PTPRD: variants seen among roughly 807,000 people sequenced by gnomAD.
PTPRD encodes the protein receptor-type tyrosine-protein phosphatase delta.
A neutral mutation model predicts 214.5 loss-of-function variants in PTPRD; 34 were observed. The ratio of observed to expected loss-of-function variants is 0.16; its 90% CI spans 0.12 to 0.21. The LOEUF (loss-of-function observed/expected upper bound fraction) is 0.21, where lower values mean the gene tolerates loss of function less well. Among genes scored for constraint, PTPRD ranks in the 10% least tolerant of loss-of-function variants. The pLI is 1.00. For synonymous variants in PTPRD, 1,128 were observed against 845.7 expected, an observed-to-expected ratio of 1.33 and a Z score of -5.79; for missense variants, 2,545 against 2,398.7, an observed-to-expected ratio of 1.06 and a Z score of -1.27.
chr9:9,029,329 C>A (rs1463028559), intron 10 of PTPRD, among the ~76,000 whole-genome samples: 1 of 151,598 alleles, frequency 6.6e-6, no homozygotes, highest in African/African-American at 2.4e-5. Context: ...GAAAAGGAAT[C>A]AGACTAAAAA....
intron 11 of PTPRD, among the ~76,000 whole-genome samples, chr9:8,890,744 T>G (rs977656565): frequency 6.6e-6 from 1 of 152,224 alleles, no homozygotes; most frequent in African/African-American, 2.4e-5. Context: ...AGATAATCTA[T>G]CTGCTATTTA....
intron 10 of PTPRD, among the ~76,000 whole-genome samples, chr9:9,061,299 T>C (rs1285657005): frequency 1.3e-5 from 2 of 152,238 alleles, no homozygotes; most frequent in Non-Finnish European, 2.9e-5. Context: ...GTGTATTTCT[T>C]GCATTCATAA....
At chr9:8,992,470 G>A (rs926249562) in intron 11 of PTPRD, among the ~76,000 whole-genome samples, 1 of 152,006 alleles carries the variant, frequency 6.6e-6, no homozygotes, top group Non-Finnish European at 1.5e-5. Context: ...GTTGCTCAGA[G>A]GCTCTCACTC....
chr9:10,585,138 G>A (rs72702856), intron 2 of PTPRD, among the ~76,000 whole-genome samples: 19 of 151,880 alleles, frequency 1.3e-4, no homozygotes, highest in South Asian at 2.1e-4. Flanking sequence ...ATAGTTTCCC[G>A]TCAGTGGGGA....
intron 11 of PTPRD, among the ~76,000 whole-genome samples, chr9:8,996,424 A>G (rs1210617644): frequency 1.3e-5 from 2 of 152,064 alleles, no homozygotes; most frequent in Non-Finnish European, 2.9e-5. Context: ...AAAAAGAAAA[A>G]CGTAGGGGCA....
intron 11 of PTPRD, among the ~76,000 whole-genome samples, chr9:8,919,010 T>C (rs573838785): frequency 6.6e-6 from 1 of 152,326 alleles, no homozygotes; most frequent in Non-Finnish European, 1.5e-5. Flanking sequence ...TTTCTGAGGA[T>C]TTCTAAACCC....
At chr9:9,257,482 G>C (rs553642221) in intron 9 of PTPRD, among the ~76,000 whole-genome samples, 5 of 151,888 alleles carry the variant, frequency 3.3e-5, no homozygotes, top group African/African-American at 9.6e-5. Flanking sequence ...ACAAAAGTCC[G>C]AATTTTTATA....
intron 2 of PTPRD, among the ~76,000 whole-genome samples, chr9:10,418,727 T>C (rs958874272): frequency 6.6e-6 from 1 of 151,620 alleles, no homozygotes; most frequent in African/African-American, 2.4e-5. Flanking sequence ...TCATTAATAA[T>C]AATTGCAGAA....
intron 11 of PTPRD, among the ~76,000 whole-genome samples, chr9:8,826,976 T>A (rs1217241522): frequency 6.6e-6 from 1 of 152,000 alleles, no homozygotes; most frequent in Admixed American, 6.6e-5. Context: ...CTCCCCTTGT[T>A]TAAACTGGCA....
intron 11 of PTPRD, among the ~76,000 whole-genome samples, chr9:8,839,747 C>G (rs2097522494): frequency 6.6e-6 from 1 of 152,118 alleles, no homozygotes; most frequent in African/African-American, 2.4e-5. Context: ...AACTGTTCCT[C>G]AAAGCTTTGT....
At chr9:8,848,988 A>G (rs146137334) in intron 11 of PTPRD, among the ~76,000 whole-genome samples, 1 of 125,716 alleles carries the variant, frequency 8.0e-6, no homozygotes, top group East Asian at 2.2e-4. Context: ...AATAATCACT[A>G]TTACAACTAT....
At chr9:9,585,444 G>T (rs572240666) in intron 7 of PTPRD, among the ~76,000 whole-genome samples, 13 of 151,872 alleles carry the variant, frequency 8.6e-5, no homozygotes, top group Admixed American at 2.0e-4. Flanking sequence ...TGTATTTCTG[G>T]CCTAGGTGCT....
At chr9:9,615,789 T>C (rs907449287) in intron 7 of PTPRD, among the ~76,000 whole-genome samples, 1 of 152,154 alleles carries the variant, frequency 6.6e-6, no homozygotes, top group African/African-American at 2.4e-5. Context: ...AAGTGAGTAT[T>C]ATAATCCACA....
At chr9:8,427,479 G>T (rs962073038) in intron 35 of PTPRD, among the ~76,000 whole-genome samples, 1 of 152,020 alleles carries the variant, frequency 6.6e-6, no homozygotes, top group Non-Finnish European at 1.5e-5. Context: ...GCTGTGTGCC[G>T]AGCGGTGAGC....
chr9:9,758,348 A>T (rs1399921647), intron 6 of PTPRD, among the ~76,000 whole-genome samples: 1 of 152,088 alleles, frequency 6.6e-6, no homozygotes, highest in African/African-American at 2.4e-5. Flanking sequence ...AAACCCATGT[A>T]CCTTCTCATA....
chr9:9,109,189 A>T (rs2099802722), intron 10 of PTPRD, among the ~76,000 whole-genome samples: 1 of 152,188 alleles, frequency 6.6e-6, no homozygotes, highest in African/African-American at 2.4e-5. Flanking sequence ...AGAGCTTTAA[A>T]ATAGTTTCTC....
intron 11 of PTPRD, among the ~76,000 whole-genome samples, chr9:8,989,604 C>T (rs2099358610): frequency 6.6e-6 from 1 of 151,960 alleles, no homozygotes; most frequent in Admixed American, 6.6e-5. Context: ...TACATTCATC[C>T]AATGACAGTC....
At chr9:8,993,831 C>T (rs780564328) in intron 11 of PTPRD, among the ~76,000 whole-genome samples, 5 of 151,826 alleles carry the variant, frequency 3.3e-5, no homozygotes, top group African/African-American at 4.8e-5. Flanking sequence ...CTGGGGGACC[C>T]GAAGAGTTAT....
chr9:10,073,008 C>T (rs892304505), intron 3 of PTPRD, among the ~76,000 whole-genome samples: 2 of 152,012 alleles, frequency 1.3e-5, no homozygotes, highest in Non-Finnish European at 2.9e-5. Flanking sequence ...AATGAATGAG[C>T]TATTAAGCCA....
Sources: allele counts gnomAD v4.1 joint callset (sites outside exome capture counted in the v4.1 genomes callset), GRCh38; gene constraint gnomAD v4.1.1; transcripts MANE v1.5; gene names NCBI Gene and HGNC (gene_info 2026-07-23, HGNC 2026-07-21).